Variants in WASHC4 observed in about 807,000 individuals in gnomAD.
The protein encoded by WASHC4 is WASH complex subunit 4, also known as WASH complex subunit 7.
WASHC4 carries 86 observed loss-of-function variants against 166.6 expected under a neutral mutation model. That is an observed-to-expected ratio of 0.52 (90% CI 0.43 to 0.62). The LOEUF (loss-of-function observed/expected upper bound fraction) is 0.62, where lower values mean the gene tolerates loss of function less well. Among genes scored for constraint, WASHC4 ranks in the 20% least tolerant of loss-of-function variants. The pLI, the probability that WASHC4 is intolerant of heterozygous loss-of-function variation, is 0.00. For synonymous variants in WASHC4, 446 were observed against 451.6 expected, an observed-to-expected ratio of 0.99 and a Z score of 0.16; for missense variants, 1,262 against 1,382.4, an observed-to-expected ratio of 0.91 and a Z score of 1.38.
At chr12:105,122,360 C>A in intron 10 of WASHC4, 122 bp downstream of exon 10, 1 of 1,019,872 alleles carries the variant, frequency 9.8e-7, no homozygotes, top group Non-Finnish European at 1.4e-6. Flanking sequence ...AGTGCTTTGG[C>A]TTAAAATTAT....
rs748899765 is a variant in WASHC4 at position 105,107,816 on chromosome 12, C to G, written c.16C>G (p.Leu6Val). 1 of 1,551,044 alleles carries G rather than the reference C, an allele frequency of 6.4e-7. No homozygotes were observed. The highest frequency in any genetic ancestry group is 1.2e-5 in the South Asian group (1 of 84,042). The change falls in exon 1 of 33, where the codon CTG becomes GTG. Residue 6 changes from leucine to valine, a missense_variant. Physicochemically the swap from Leu to Val is conservative, Grantham distance 32 (BLOSUM62 1). Coordinates refer to ENST00000332180, the MANE Select transcript of WASHC4 (RefSeq NM_015275.3). MAVETLSPDWEFDRVD... is the reference protein window; with the variant it reads MAVETVSPDWEFDRVD... ...CGCCGGGGTGATGGCGGTGGAGACT[C>G]TGTCCCCGGACTGGGAGTTTGACCG...
intron 32 of WASHC4, among the ~76,000 whole-genome samples, chr12:105,165,761 TATTA>T (rs1232413018): frequency 1.3e-5 from 2 of 152,180 alleles, no homozygotes; most frequent in African/African-American, 4.8e-5. Context: ...TAATATTACT[TATTA>T]ATTAGGTGCA....
At chr12:105,112,131 T>G (rs1480258948) in intron 2 of WASHC4, among the ~76,000 whole-genome samples, 1 of 152,224 alleles carries the variant, frequency 6.6e-6, no homozygotes, top group African/African-American at 2.4e-5. Context: ...CTCTGTACAC[T>G]TCATATAAAT....
At chr12:105,146,311 G>C in intron 22 of WASHC4, 141 bp from the exon 23 acceptor site, 2 of 596,136 alleles carry the variant, frequency 3.4e-6, no homozygotes, top group South Asian at 4.7e-5. Flanking sequence ...TTTAACGTTT[G>C]ATCGTACCTT....
In WASHC4 at chr12:105,122,611, A is replaced by G. The variant is rs1015792591; in HGVS notation, c.786+373A>G. Reference sequence around the variant, plus strand: ...GTTTGTGGCAATCCTGCATCAAGCAAGTCTTTCATCGTCATTTTTCCAACA... The same window carrying G: ...GTTTGTGGCAATCCTGCATCAAGCAGGTCTTTCATCGTCATTTTTCCAACA... On this transcript the variant is annotated intron_variant, in intron 10 of 32. Coordinates refer to ENST00000332180, the MANE Select transcript of WASHC4 (RefSeq NM_015275.3). Among the ~76,000 whole-genome samples, 6 of 152,144 alleles carry G rather than the reference A, an allele frequency of 3.9e-5. 1 individual carries two copies. The highest frequency in any genetic ancestry group is 6.5e-5 in the Admixed American group (1 of 15,276).
chr12:105,135,514 A>G (rs1882238324), intron 14 of WASHC4, among the ~76,000 whole-genome samples: 1 of 150,250 alleles, frequency 6.7e-6, no homozygotes, highest in Non-Finnish European at 1.5e-5. Flanking sequence ...ATCTTTCTTT[A>G]CTTTTTGGCT....
At chr12:105,130,485 A>T (rs1175696100) in intron 13 of WASHC4, among the ~76,000 whole-genome samples, 1 of 152,252 alleles carries the variant, frequency 6.6e-6, no homozygotes, top group Non-Finnish European at 1.5e-5. Flanking sequence ...CTCCATGAAG[A>T]TGAAGGGCAC....
intron 15 of WASHC4, among the ~76,000 whole-genome samples, chr12:105,140,073 A>G (rs1020584641): frequency 1.3e-5 from 2 of 151,962 alleles, no homozygotes; most frequent in Non-Finnish European, 1.5e-5. Flanking sequence ...GGGTTTCACT[A>G]TGTTGGCCAG....
chr12:105,120,405 GACTTGACGCTCTTAAATTTTAAATAACT>G, intron 7 of WASHC4, 122 bp from the exon 8 acceptor site: 7 of 590,830 alleles, frequency 1.2e-5, no homozygotes, highest in Non-Finnish European at 2.2e-5. Flanking sequence ...TGGGAAAGTG[GACTTGACGCTCTTAAATTTTAAATAACT>G]AGAGCCTTAA....
At position 105,168,637 on chromosome 12, in the gene WASHC4, TA is replaced by T. The variant is rs1277963496; in HGVS notation, c.*1707del. 6.6e-6 allele frequency: 1 copy of T among 152,038 alleles called. No individual in the cohort carries two copies. Among genetic ancestry groups the T allele is most frequent in the East Asian group, 1.9e-4 (1 of 5,194 alleles). 9.4% of individuals were successfully genotyped at this position (152,038 alleles called of 1,614,324 possible). A position where few individuals can be genotyped will look rare whatever the true frequency, so the allele number is the denominator to read the frequency against. ...TGTAAATTAATTATTTTATCAATAC[TA>T]GATAGAGTTCACATGCTGACTCCCT... On this transcript the variant is annotated 3_prime_UTR_variant, in exon 33 of 33. Coordinates refer to ENST00000332180, the MANE Select transcript of WASHC4 (RefSeq NM_015275.3).
chr12:105,145,869 G>A (rs890268023), intron 22 of WASHC4, among the ~76,000 whole-genome samples: 9 of 152,050 alleles, frequency 5.9e-5, no homozygotes, highest in African/African-American at 2.2e-4. Context: ...TTTAAAAGGG[G>A]TCTGGTGTGA....
intron 24 of WASHC4, chr12:105,149,170 T>C: frequency 1.0e-6 from 1 of 985,384 alleles, no homozygotes; most frequent in South Asian, 4.7e-5. Flanking sequence ...TAATTGAATA[T>C]GTGGTATCTT....
At chr12:105,165,254 A>G (rs1045678021) in intron 32 of WASHC4, among the ~76,000 whole-genome samples, 5 of 152,250 alleles carry the variant, frequency 3.3e-5, no homozygotes, top group Non-Finnish European at 5.9e-5. Context: ...AGTGATTTCA[A>G]TGAACTTCAG....
chr12:105,156,847 C>A, intron 27 of WASHC4, 55 bp downstream of exon 27: 1 of 1,240,450 alleles, frequency 8.1e-7, no homozygotes, highest in Non-Finnish European at 1.2e-6. Context: ...AAATTGTGTC[C>A]ATTAAATATA....
chr12:105,148,538 G>A, intron 24 of WASHC4: 1 of 985,350 alleles, frequency 1.0e-6, no homozygotes, highest in Non-Finnish European at 1.2e-6. Context: ...TAGAAATCAG[G>A]ATGGCAGAAT....
intron 13 of WASHC4, among the ~76,000 whole-genome samples, chr12:105,132,929 C>T (rs1237511317): frequency 2.0e-5 from 3 of 152,044 alleles, no homozygotes; most frequent in Admixed American, 6.6e-5. Flanking sequence ...TATTCTGGTT[C>T]AGGCTGTCAT....
At chr12:105,166,464 A>G (rs1206356515) in intron 32 of WASHC4, among the ~76,000 whole-genome samples, 1 of 152,194 alleles carries the variant, frequency 6.6e-6, no homozygotes, top group African/African-American at 2.4e-5. Flanking sequence ...GTTTGCAGCC[A>G]TGTTCCTACC....
chr12:105,128,666 C>A (rs1456050997), intron 13 of WASHC4, among the ~76,000 whole-genome samples: 1 of 152,086 alleles, frequency 6.6e-6, no homozygotes, highest in Non-Finnish European at 1.5e-5. Context: ...GTATATAATG[C>A]AAATATTCCA....
chr12:105,129,514 C>A (rs1351110726), intron 13 of WASHC4, among the ~76,000 whole-genome samples: 1 of 152,090 alleles, frequency 6.6e-6, no homozygotes, highest in African/African-American at 2.4e-5. Context: ...CAGGTATATT[C>A]CATGGAATTT....
Sources: allele counts gnomAD v4.1 joint callset (sites outside exome capture counted in the v4.1 genomes callset), GRCh38; gene constraint gnomAD v4.1.1; transcripts MANE v1.5; gene names NCBI Gene and HGNC (gene_info 2026-07-23, HGNC 2026-07-21).